The following SGCZ variants were observed in gnomAD, a reference collection of about 807,000 sequenced individuals.
The protein encoded by SGCZ is zeta-sarcoglycan.
A neutral mutation model predicts 41.3 loss-of-function variants in SGCZ; 40 were observed. The ratio of observed to expected loss-of-function variants is 0.97; its 90% CI spans 0.75 to 1.26. The LOEUF is 1.26. SGCZ is among the 50% of genes most tolerant of loss of function. SGCZ has a pLI of 0.00. For missense variants in SGCZ, 552 were observed against 369.8 expected, an observed-to-expected ratio of 1.49 and a Z score of -4.04; for synonymous variants, 206 against 137.5, an observed-to-expected ratio of 1.50 and a Z score of -3.49.
intron 1 of SGCZ, among the ~76,000 whole-genome samples, chr8:14,991,858 A>G (rs1802024726): frequency 6.7e-6 from 1 of 149,544 alleles, no homozygotes; most frequent in Non-Finnish European, 1.5e-5. Flanking sequence ...CTACCCCCAA[A>G]ACTAGTGTTA....
chr8:14,389,658 G>A (rs900216956), intron 2 of SGCZ, among the ~76,000 whole-genome samples: 27 of 151,958 alleles, frequency 1.8e-4, no homozygotes, highest in African/African-American at 6.5e-4. Flanking sequence ...TAGTACTTAA[G>A]AATATGTTTT....
At chr8:14,381,511 A>C (rs2117191628) in intron 2 of SGCZ, among the ~76,000 whole-genome samples, 1 of 152,166 alleles carries the variant, frequency 6.6e-6, no homozygotes, top group South Asian at 2.1e-4. Flanking sequence ...ACGGTGACTC[A>C]TGCCTATAAT....
At chr8:15,234,587 C>G (rs1193190457) in intron 1 of SGCZ, among the ~76,000 whole-genome samples, 1 of 152,148 alleles carries the variant, frequency 6.6e-6, no homozygotes, top group Non-Finnish European at 1.5e-5. Context: ...AACTGTATTT[C>G]AGTTTTCCAT....
At chr8:14,460,291 C>T (rs560616259) in intron 2 of SGCZ, among the ~76,000 whole-genome samples, 2 of 152,222 alleles carry the variant, frequency 1.3e-5, no homozygotes, top group African/African-American at 4.8e-5. Flanking sequence ...ACTGTCCAAG[C>T]TAAAAGAGTT....
intron 1 of SGCZ, among the ~76,000 whole-genome samples, chr8:15,115,020 T>C (rs755711220): frequency 1.3e-5 from 2 of 152,140 alleles, no homozygotes; most frequent in African/African-American, 4.8e-5. Context: ...ACTGGCCATA[T>C]TGAAAAACTA....
At chr8:15,214,040 T>A (rs1249166037) in intron 1 of SGCZ, among the ~76,000 whole-genome samples, 1 of 152,072 alleles carries the variant, frequency 6.6e-6, no homozygotes, top group East Asian at 1.9e-4. Context: ...TTCATTAACT[T>A]ATAGAAGCTT....
At chr8:14,851,368 CAAAAAAAAAA>C (rs369090223) in intron 1 of SGCZ, among the ~76,000 whole-genome samples, 20 of 61,908 alleles carry the variant, frequency 3.2e-4, no homozygotes, top group African/African-American at 1.0e-3. Flanking sequence ...GACTCCATCT[CAAAAAAAAAA>C]AAAAAAAAAA....
intron 1 of SGCZ, among the ~76,000 whole-genome samples, chr8:15,099,282 A>G (rs1373582540): frequency 2.6e-5 from 4 of 152,196 alleles, no homozygotes; most frequent in Admixed American, 2.0e-4. Flanking sequence ...AAAAAATACT[A>G]AAATGGAAAT....
chr8:14,800,384 A>G (rs2130500052), intron 1 of SGCZ, among the ~76,000 whole-genome samples: 1 of 152,328 alleles, frequency 6.6e-6, no homozygotes, highest in Middle Eastern at 3.4e-3. Context: ...ATCCTGGCCC[A>G]TAAGTTTATG....
chr8:14,854,967 C>T (rs909930559), intron 1 of SGCZ, among the ~76,000 whole-genome samples: 2 of 151,292 alleles, frequency 1.3e-5, no homozygotes, highest in Non-Finnish European at 2.9e-5. Context: ...TTGGGAAATC[C>T]CGCTCCCGAC....
Position 14,165,187 on chromosome 8 carries a change from T to C in SGCZ, c.425-485A>G, listed in dbSNP as rs545667205. ...GAATCTTTAGCTAGTCTACATGTCATAGATTCTAATATTGATGTTTTCTAC... is the reference window on the plus strand; with the variant it reads ...GAATCTTTAGCTAGTCTACATGTCACAGATTCTAATATTGATGTTTTCTAC... On this transcript the variant is annotated intron_variant, in intron 4 of 7. Transcript: ENST00000382080. 3.9e-5 allele frequency: 6 copies of C among 152,850 alleles called. No individual in the cohort carries two copies. The East Asian group carries it at 1.2e-3, about 29-fold the overall frequency. 9.5% of individuals were successfully genotyped at this position (152,850 alleles called of 1,614,324 possible).
intron 2 of SGCZ, among the ~76,000 whole-genome samples, chr8:14,385,176 C>T (rs1804528308): frequency 6.6e-6 from 1 of 152,068 alleles, no homozygotes; most frequent in African/African-American, 2.4e-5. Context: ...TTCAAGCTCT[C>T]TTCATAGATT....
At chr8:14,678,312 C>T (rs1452653167) in intron 1 of SGCZ, among the ~76,000 whole-genome samples, 2 of 152,022 alleles carry the variant, frequency 1.3e-5, no homozygotes, top group Non-Finnish European at 1.5e-5. Flanking sequence ...AGGACAATAA[C>T]CAAAAATATA....
At chr8:14,788,148 C>T (rs1211301140) in intron 1 of SGCZ, among the ~76,000 whole-genome samples, 4 of 152,054 alleles carry the variant, frequency 2.6e-5, no homozygotes, top group Non-Finnish European at 5.9e-5. Flanking sequence ...TATTTTTAGT[C>T]AAAATTTCTT....
chr8:14,437,259 G>A (rs75745560), intron 2 of SGCZ, among the ~76,000 whole-genome samples: 1,756 of 152,118 alleles, frequency 0.012, 43 homozygotes, highest in African/African-American at 0.04. Context: ...AAACCAATTC[G>A]AAAATATTTA....
chr8:14,517,042 CT>C (rs1802642970), intron 2 of SGCZ, among the ~76,000 whole-genome samples: 2 of 151,782 alleles, frequency 1.3e-5, no homozygotes, highest in Admixed American at 6.6e-5. Flanking sequence ...GATTCTCCCC[CT>C]ATGACTCGTA....
At chr8:14,462,504 T>A (rs1204572474) in intron 2 of SGCZ, among the ~76,000 whole-genome samples, 1 of 152,002 alleles carries the variant, frequency 6.6e-6, no homozygotes, top group East Asian at 1.9e-4. Context: ...CTATGCCTCA[T>A]TCGACCCAAT....
At chr8:15,003,956 T>C (rs112816812) in intron 1 of SGCZ, among the ~76,000 whole-genome samples, 58 of 152,138 alleles carry the variant, frequency 3.8e-4, no homozygotes, top group African/African-American at 1.4e-3. Flanking sequence ...TACCCTTCAA[T>C]GTGTTAGAGT....
intron 4 of SGCZ, among the ~76,000 whole-genome samples, chr8:14,205,806 C>T (rs1805596183): frequency 6.6e-6 from 1 of 151,956 alleles, no homozygotes; most frequent in Non-Finnish European, 1.5e-5. Flanking sequence ...AATAATTATT[C>T]TATTTGATGC....
Sources: allele counts gnomAD v4.1 joint callset (sites outside exome capture counted in the v4.1 genomes callset), GRCh38; gene constraint gnomAD v4.1.1; transcripts MANE v1.5; gene names NCBI Gene and HGNC (gene_info 2026-07-23, HGNC 2026-07-21).